Variants in IGF1 observed in about 807,000 individuals in gnomAD.
The protein encoded by IGF1 is insulin like growth factor 1, also known as insulin-like growth factor 1.
A neutral mutation model predicts 13.8 loss-of-function variants in IGF1; 4 were observed. The observed-to-expected ratio is 0.29, with a 90% CI of 0.14 to 0.66. The LOEUF (loss-of-function observed/expected upper bound fraction) is 0.66, where lower values mean the gene tolerates loss of function less well. Among genes scored for constraint, IGF1 ranks in the 30% least tolerant of loss-of-function variants. IGF1 has a pLI of 0.78. For missense variants in IGF1, 124 were observed against 188.5 expected, an observed-to-expected ratio of 0.66 and a Z score of 2.00; for synonymous variants, 76 against 72.6, an observed-to-expected ratio of 1.05 and a Z score of -0.23.
At chr12:102,406,878 AGGT>A (rs1288046739) in intron 3 of IGF1, among the ~76,000 whole-genome samples, 1 of 152,064 alleles carries the variant, frequency 6.6e-6, no homozygotes, top group Non-Finnish European at 1.5e-5. Context: ...AGATCACTTG[AGGT>A]CAGGAGCTGG....
At chr12:102,480,598 A>C, upstream of IGF1, 1 of 1,397,900 alleles carries the variant, frequency 7.2e-7, no homozygotes, top group Non-Finnish European at 9.3e-7. Context: ...TTTATCTACA[A>C]AACACAGACA....
intron 2 of IGF1, among the ~76,000 whole-genome samples, chr12:102,428,851 AT>A (rs1178172424): frequency 6.6e-6 from 1 of 152,132 alleles, no homozygotes. Context: ...ATATTCACTT[AT>A]TTTCAGGTGG....
Position 102,417,490 on chromosome 12 carries a change from A to G in IGF1, c.402+2019T>C, listed in dbSNP as rs971612777. On this transcript the variant is annotated intron_variant, in intron 3 of 3. Transcript: ENST00000337514. ...TTTAAAAATGCATATAGAAGCCTTAATTTTTATTTAAATTCTTTTATTTAA... is the reference window on the plus strand; with the variant it reads ...TTTAAAAATGCATATAGAAGCCTTAGTTTTTATTTAAATTCTTTTATTTAA... The G allele has an allele frequency of 5.3e-6, 5 of 934,642 alleles. No individual in the cohort carries two copies. The African/African-American group carries it at 8.8e-5, about 16-fold the overall frequency. The allele number at this position is 934,642 out of a possible 1,614,324, so 57.9% of individuals were successfully genotyped here. A position where few individuals can be genotyped will look rare whatever the true frequency, so the allele number is the denominator to read the frequency against.
At chr12:102,410,519 A>G (rs867143836) in intron 3 of IGF1, among the ~76,000 whole-genome samples, 1 of 152,228 alleles carries the variant, frequency 6.6e-6, no homozygotes, top group South Asian at 2.1e-4. Flanking sequence ...GTACCTAAAA[A>G]CTGGATTTGA....
chr12:102,438,825 A>C (rs1877461373), intron 2 of IGF1, among the ~76,000 whole-genome samples: 1 of 152,180 alleles, frequency 6.6e-6, no homozygotes, highest in Non-Finnish European at 1.5e-5. Flanking sequence ...CTAAACTGAA[A>C]GGTCTTCAGG....
chr12:102,423,442 C>T (rs901579291), intron 2 of IGF1, among the ~76,000 whole-genome samples: 3 of 151,982 alleles, frequency 2.0e-5, no homozygotes, highest in Non-Finnish European at 2.9e-5. Context: ...AAAGTCTTGA[C>T]ATTAAAAATT....
intron 3 of IGF1, among the ~76,000 whole-genome samples, chr12:102,410,425 G>A (rs189733681): frequency 1.3e-5 from 2 of 152,294 alleles, no homozygotes; most frequent in East Asian, 1.9e-4. Context: ...TGGAATTGCT[G>A]AAAGGTTCAA....
intron 2 of IGF1, among the ~76,000 whole-genome samples, chr12:102,435,871 G>A (rs1396048730): frequency 2.0e-5 from 3 of 152,222 alleles, no homozygotes; most frequent in Non-Finnish European, 4.4e-5. Flanking sequence ...CTGGGGTGGT[G>A]CTCAAGCACT....
intron 2 of IGF1, among the ~76,000 whole-genome samples, chr12:102,467,961 G>A (rs1440476430): frequency 6.6e-6 from 1 of 152,176 alleles, no homozygotes; most frequent in Non-Finnish European, 1.5e-5. Context: ...GGGTAAAAGT[G>A]CAGTTTTGAT....
At position 102,444,477 on chromosome 12, in the gene IGF1, C is replaced by T. The variant is rs546464938; in HGVS notation, c.221-24787G>A. Among the ~76,000 whole-genome samples the T allele has an allele frequency of 7.2e-5, 11 of 152,056 alleles. No individual in the cohort carries two copies. In the South Asian group the frequency reaches 1.7e-3, roughly 23 times the overall value. On this transcript the variant is annotated intron_variant, in intron 2 of 3. Transcript: ENST00000337514. The stretch of plus-strand genomic sequence containing the variant: ...AACTTCATGGGCAAAAAGGGGGCAC[C>T]CTCCATGAGCAGTCAGTCATTGATG...
intron 2 of IGF1, among the ~76,000 whole-genome samples, chr12:102,428,651 G>A (rs1565976446): frequency 6.6e-6 from 1 of 152,140 alleles, no homozygotes; most frequent in Non-Finnish European, 1.5e-5. Flanking sequence ...ATAATCCTTG[G>A]GCATGGCCTT....
chr12:102,427,540 G>A (rs1027232701), intron 2 of IGF1, among the ~76,000 whole-genome samples: 1 of 152,120 alleles, frequency 6.6e-6, no homozygotes, highest in Non-Finnish European at 1.5e-5. Flanking sequence ...CACCCCATTA[G>A]TCTCCTCACT....
chr12:102,426,584 T>C (rs1224942773), intron 2 of IGF1, among the ~76,000 whole-genome samples: 1 of 152,196 alleles, frequency 6.6e-6, no homozygotes. Flanking sequence ...GTCTGAATAG[T>C]TTTAATCTAG....
intron 3 of IGF1, among the ~76,000 whole-genome samples, chr12:102,410,733 T>G (rs778659549): frequency 6.6e-5 from 10 of 152,198 alleles, no homozygotes; most frequent in Non-Finnish European, 1.0e-4. Context: ...GTTGCCCTCT[T>G]TCACTCATTC....
intron 3 of IGF1, among the ~76,000 whole-genome samples, chr12:102,408,747 C>T (rs1874383884): frequency 6.6e-6 from 1 of 152,102 alleles, no homozygotes; most frequent in South Asian, 2.1e-4. Context: ...ATTTGTTGGG[C>T]AACTGTATTG....
chr12:102,458,989 A>C (rs890165742), intron 2 of IGF1, among the ~76,000 whole-genome samples: 1 of 152,208 alleles, frequency 6.6e-6, no homozygotes, highest in Admixed American at 6.5e-5. Context: ...CAAGTCATGC[A>C]GGCAAGTGAA....
intron 2 of IGF1, among the ~76,000 whole-genome samples, chr12:102,457,238 A>G (rs17882697): frequency 5.1e-4 from 78 of 152,300 alleles, no homozygotes; most frequent in African/African-American, 1.8e-3. Flanking sequence ...ATTCACTCAA[A>G]TTCTGCTTAA....
At chr12:102,429,720 T>C (rs915379202) in intron 2 of IGF1, among the ~76,000 whole-genome samples, 42 of 152,318 alleles carry the variant, frequency 2.8e-4, no homozygotes, top group African/African-American at 1.0e-3. Context: ...CAGCTTATGA[T>C]ATTGGCAGGA....
At chr12:102,453,897 T>C (rs1879164251) in intron 2 of IGF1, among the ~76,000 whole-genome samples, 1 of 152,246 alleles carries the variant, frequency 6.6e-6, no homozygotes, top group South Asian at 2.1e-4. Flanking sequence ...AAAGTGAAGA[T>C]AATGATAGTA....
Sources: gnomAD v4.1 joint callset for allele counts (sites outside exome capture counted in the v4.1 genomes callset) on GRCh38, gnomAD v4.1.1 for gene constraint, MANE v1.5 for transcripts, NCBI Gene and HGNC (gene_info 2026-07-23, HGNC 2026-07-21) for gene names.